ABR: variants seen among roughly 807,000 people sequenced by gnomAD.
The protein encoded by ABR is active breakpoint cluster region-related protein.
Under a neutral mutation model 107.2 loss-of-function variants are expected in ABR, and 35 were observed. The observed-to-expected ratio is 0.33, with a 90% CI of 0.25 to 0.43. The LOEUF (loss-of-function observed/expected upper bound fraction) is 0.43. Ranked by LOEUF, ABR falls within the 20% of genes least tolerant of loss-of-function variation. The pLI is 1.00. For synonymous variants in ABR, 498 were observed against 462.0 expected, an observed-to-expected ratio of 1.08 and a Z score of -1.00; for missense variants, 815 against 1,115.2, an observed-to-expected ratio of 0.73 and a Z score of 3.83.
At chr17:1,072,826 A>C in intron 7 of ABR, 72 bp from the exon 8 acceptor site, 1 of 1,533,788 alleles carries the variant, frequency 6.5e-7, no homozygotes, top group Non-Finnish European at 8.7e-7. Flanking sequence ...GGGAGTGCTC[A>C]GTCCCCATCC....
chr17:1,145,578 CT>C (rs1342550638), intron 1 of ABR, among the ~76,000 whole-genome samples: 1 of 152,240 alleles, frequency 6.6e-6, no homozygotes, highest in Non-Finnish European at 1.5e-5. Context: ...CGGAGCCCCC[CT>C]CCCATCTATG....
chr17:1,186,451 C>T (rs1273752949), intron 1 of ABR, among the ~76,000 whole-genome samples: 1 of 152,222 alleles, frequency 6.6e-6, no homozygotes, highest in Non-Finnish European at 1.5e-5. Context: ...GCATTCACCC[C>T]CTCACTGCCT....
intron 2 of ABR, among the ~76,000 whole-genome samples, chr17:1,104,194 C>G (rs557333250): frequency 4.6e-5 from 7 of 152,162 alleles, no homozygotes; most frequent in Non-Finnish European, 7.3e-5. Context: ...GAAATGCAGT[C>G]CTGGTGGGTT....
rs2070511906 is a variant in ABR, at chr17:1,011,234, A to G, written c.2102-371T>C. On this transcript the variant is annotated intron_variant, in intron 19 of 22. Transcript: ENST00000302538. This position sits in a 1 kb window ranked among gnomAD's most constrained non-coding sequence, Gnocchi z 4.8. The stretch of plus-strand genomic sequence containing the variant: ...TTGCACACTTTTCACACGTAAAAGC[A>G]TGTTCCGACAAAGCCTCAGCTTCTA... 1 of 245,264 alleles carries G rather than the reference A, an allele frequency of 4.1e-6. No individual in the cohort carries two copies. Among genetic ancestry groups the G allele is most frequent in the South Asian group, 5.1e-5 (1 of 19,672 alleles). 15.2% of individuals were successfully genotyped at this position (245,264 alleles called of 1,614,324 possible).
intron 16 of ABR, among the ~76,000 whole-genome samples, chr17:1,035,799 C>A (rs2073143084): frequency 1.3e-5 from 2 of 149,602 alleles, no homozygotes; most frequent in Admixed American, 1.3e-4. Flanking sequence ...AGGCTCTCTG[C>A]AAGGGGAGTG....
At chr17:1,080,368 T>C (rs556143040) in intron 5 of ABR, among the ~76,000 whole-genome samples, 75 of 152,202 alleles carry the variant, frequency 4.9e-4, no homozygotes, top group Non-Finnish European at 1.0e-3. Context: ...ATGACTCATC[T>C]GCTCCAAGCC....
At chr17:1,137,474 G>C (rs1051062712) in intron 1 of ABR, among the ~76,000 whole-genome samples, 4 of 152,310 alleles carry the variant, frequency 2.6e-5, no homozygotes, top group East Asian at 3.9e-4. Flanking sequence ...GGGGAGAGGA[G>C]AGAGGCTGGG....
intron 16 of ABR, 110 bp from the exon 17 acceptor site, chr17:1,013,274 G>C (rs979241138): frequency 1.0e-5 from 11 of 1,068,996 alleles, no homozygotes; most frequent in Non-Finnish European, 1.6e-5. Flanking sequence ...GAAGGCGGAA[G>C]TGAGCAGCTG....
rs531490564 is a variant in ABR, at chr17:1,220,263, C to A, written c.838+8530G>T. Among the ~76,000 whole-genome samples the A allele has an allele frequency of 5.3e-5, 8 of 151,586 alleles. No homozygotes were observed. The South Asian group carries it at 1.7e-3, about 32-fold the overall frequency. On this transcript the variant is annotated intron_variant, in intron 1 of 22. Transcript: ENST00000574139. ...CCAAGATCACACCACTGCACTCCAG[C>A]CTGGGCGACAGAGCGAGACTCCGTC...
At chr17:1,125,995 G>T (rs146329772) in intron 1 of ABR, among the ~76,000 whole-genome samples, 2 of 152,142 alleles carry the variant, frequency 1.3e-5, no homozygotes, top group African/African-American at 4.8e-5. Flanking sequence ...CAGACTCCTC[G>T]GAGCCGGTGC....
rs541924273 is a variant in ABR, at chr17:1,018,716, A to G, written c.1792-5552T>C. Reference sequence around the variant, plus strand: ...TGAACTTCAATTTCCTCATGGAGGCATCCACACCTGACTCACAGGGCTGTT... The same window carrying G: ...TGAACTTCAATTTCCTCATGGAGGCGTCCACACCTGACTCACAGGGCTGTT... On this transcript the variant is annotated intron_variant, in intron 16 of 22. Transcript: ENST00000302538. 9.8e-5 allele frequency among the ~76,000 whole-genome samples: 15 copies of G among 152,288 alleles called. No individual in the cohort carries two copies. In the East Asian group the frequency reaches 2.9e-3, roughly 29 times the overall value.
intron 1 of ABR, among the ~76,000 whole-genome samples, chr17:1,162,495 C>T (rs1162549152): frequency 2.0e-5 from 3 of 152,238 alleles, no homozygotes; most frequent in Non-Finnish European, 2.9e-5. Flanking sequence ...GTGGGCCACC[C>T]GGGCTGTGCA....
intron 1 of ABR, among the ~76,000 whole-genome samples, chr17:1,223,094 C>CG (rs1024434539): frequency 9.9e-5 from 15 of 151,872 alleles, no homozygotes; most frequent in African/African-American, 3.4e-4. Flanking sequence ...CCCAGCTACT[C>CG]GGGGGGCTGA....
chr17:1,173,524 A>C (rs1057409746), intron 1 of ABR, among the ~76,000 whole-genome samples: 1 of 151,672 alleles, frequency 6.6e-6, no homozygotes, highest in African/African-American at 2.4e-5. Context: ...GAAGTCCTCC[A>C]ATCATAAACC....
At chr17:1,013,238 C>T in intron 16 of ABR, 74 bp from the exon 17 acceptor site, 1 of 1,384,890 alleles carries the variant, frequency 7.2e-7, no homozygotes, top group Non-Finnish European at 1.0e-6. Flanking sequence ...TGGGTCAGCA[C>T]TGCTCAGAGC....
At chr17:1,188,859 G>A (rs2042371584), upstream of ABR, among the ~76,000 whole-genome samples, 3 of 152,334 alleles carry the variant, frequency 2.0e-5, no homozygotes, top group Middle Eastern at 6.8e-3. Context: ...AGGGAAGCCG[G>A]TGCCTCTGGC....
intron 1 of ABR, among the ~76,000 whole-genome samples, chr17:1,169,188 G>T (rs776536527): frequency 6.6e-6 from 1 of 152,238 alleles, no homozygotes; most frequent in Non-Finnish European, 1.5e-5. Context: ...CGCCACGCAG[G>T]AAGAGGGTGA....
chr17:1,021,417 C>T (rs1009342133), intron 16 of ABR, among the ~76,000 whole-genome samples: 2 of 152,320 alleles, frequency 1.3e-5, no homozygotes, highest in South Asian at 2.1e-4. Flanking sequence ...CTGCCTCTCA[C>T]GGCTGGCGCT....
chr17:1,054,538 A>G (rs76587732), intron 14 of ABR, among the ~76,000 whole-genome samples: 918 of 7,676 alleles, frequency 0.12, 33 homozygotes, highest in African/African-American at 0.27. Flanking sequence ...GGGGGCACAA[A>G]GAACCTGAGG....
Sources: gnomAD v4.1 joint callset for allele counts (sites outside exome capture counted in the v4.1 genomes callset) on GRCh38, gnomAD v4.1.1 for gene constraint, Gnocchi (gnomAD v3.1) non-coding constraint, MANE v1.5 for transcripts, NCBI Gene and HGNC (gene_info 2026-07-23, HGNC 2026-07-21) for gene names.